The following CCDC93 variants were observed in gnomAD, a reference collection of about 807,000 sequenced individuals.
The protein encoded by CCDC93 is CCC complex scaffolding subunit CCDC93.
A neutral mutation model predicts 108.2 loss-of-function variants in CCDC93; 61 were observed. The observed-to-expected ratio is 0.56, with a 90% CI of 0.46 to 0.70. The LOEUF (loss-of-function observed/expected upper bound fraction) is 0.70. Among genes scored for constraint, CCDC93 ranks in the 30% least tolerant of loss-of-function variants. The pLI, the probability that CCDC93 is intolerant of heterozygous loss-of-function variation, is 0.00. For missense variants in CCDC93, 685 were observed against 764.2 expected (o/e 0.90, Z 1.22); for synonymous variants, 276 against 260.4 (o/e 1.06, Z -0.58).
chr2:117,990,588 G>A (rs559675347), intron 6 of CCDC93, among the ~76,000 whole-genome samples: 3 of 147,872 alleles, frequency 2.0e-5, no homozygotes, highest in African/African-American at 5.0e-5. Flanking sequence ...AGAAATAAAA[G>A]AATAAATTTA....
chr2:118,008,703 T>A, intron 1 of CCDC93, 45 bp from the exon 2 acceptor site: 1 of 1,249,736 alleles, frequency 8.0e-7, no homozygotes, highest in Non-Finnish European at 1.2e-6. Flanking sequence ...ATATGCTGAA[T>A]AAAGGAACAC....
intron 11 of CCDC93, among the ~76,000 whole-genome samples, chr2:117,970,064 T>C (rs1679713462): frequency 6.6e-6 from 1 of 152,124 alleles, no homozygotes; most frequent in Non-Finnish European, 1.5e-5. Context: ...TGTTCCTAAT[T>C]GAACAAACTA....
chr2:117,959,792 G>A (rs1245726473), intron 11 of CCDC93, among the ~76,000 whole-genome samples: 1 of 152,162 alleles, frequency 6.6e-6, no homozygotes, highest in Admixed American at 6.5e-5. Flanking sequence ...CTGGGACTGT[G>A]TAAAATGTCA....
At chr2:117,964,893 G>T (rs1387876300) in intron 11 of CCDC93, among the ~76,000 whole-genome samples, 1 of 152,180 alleles carries the variant, frequency 6.6e-6, no homozygotes, top group Non-Finnish European at 1.5e-5. Context: ...GTGAGCCTCT[G>T]TGCCTGGCCC....
intron 8 of CCDC93, 75 bp from the exon 9 acceptor site, chr2:117,975,355 G>C: frequency 9.3e-7 from 1 of 1,073,192 alleles, no homozygotes; most frequent in African/African-American, 1.6e-5. Flanking sequence ...ACTGACAAGA[G>C]GCATGAGTCT....
At chr2:117,966,113 G>A (rs561308561) in intron 11 of CCDC93, among the ~76,000 whole-genome samples, 4 of 152,300 alleles carry the variant, frequency 2.6e-5, no homozygotes, top group Admixed American at 2.0e-4. Context: ...TAGTGGAAAC[G>A]AAGGCCTTAT....
chr2:117,978,552 T>C (rs753947071), intron 7 of CCDC93, among the ~76,000 whole-genome samples: 6 of 152,238 alleles, frequency 3.9e-5, no homozygotes, highest in Non-Finnish European at 8.8e-5. Context: ...TCAAGTAGTT[T>C]ATTTTCTGGC....
intron 21 of CCDC93, 126 bp from the exon 22 acceptor site, chr2:117,935,705 C>G (rs531780697): frequency 1.7e-6 from 1 of 582,406 alleles, no homozygotes; most frequent in Non-Finnish European, 2.9e-6. Flanking sequence ...TTGTAACGCA[C>G]AGTGGAGCCA....
At position 117,918,601 on chromosome 2, in the gene CCDC93, A is replaced by C. The variant is rs765678166; in HGVS notation, c.*1742T>G. On this transcript the variant is annotated 3_prime_UTR_variant, in exon 24 of 24. Coordinates refer to ENST00000376300, the MANE Select transcript of CCDC93 (RefSeq NM_019044.5). ...GGGGTGGGCCTACAAGCTGCTTAAC[A>C]AGACAACGCAGATGTTTCCCTGACT... 6.6e-6 allele frequency: 1 copy of C among 152,226 alleles called. No individual in the cohort carries two copies. Among genetic ancestry groups the C allele is most frequent in the Non-Finnish European group, 1.5e-5 (1 of 68,040 alleles). 9.4% of individuals were successfully genotyped at this position (152,226 alleles called of 1,614,324 possible).
At chr2:117,935,246 C>G (rs778477211) in intron 22 of CCDC93, among the ~76,000 whole-genome samples, 3 of 152,192 alleles carry the variant, frequency 2.0e-5, no homozygotes, top group Non-Finnish European at 4.4e-5. Flanking sequence ...ATGCTTGGTA[C>G]ACAATAGGTG....
In CCDC93 at chr2:117,935,508, T is replaced by A; in HGVS notation, c.1715A>T (p.Gln572Leu). 1.2e-6 allele frequency: 2 copies of A among 1,613,178 alleles called. No individual in the cohort carries two copies. The highest frequency in any genetic ancestry group is 8.5e-7 in the Non-Finnish European group (1 of 1,179,256). Residue 572 changes from glutamine (Q) to leucine (L), a missense_variant, in exon 22 of 24, where the codon CAA (glutamine) becomes CTA (leucine). By Grantham distance (113) the Gln-to-Leu change is moderately radical (BLOSUM62 -2). Coordinates refer to ENST00000376300, the MANE Select transcript of CCDC93 (RefSeq NM_019044.5). ...QMEQIVEGIK[Q>L]SRMKMEKKKQ... Reference sequence around the variant, plus strand: ...AAGCCATCTGACCTTCATTCTACTTTGCTTAATTCCTTCCACAATCTGTTC... The same window carrying A: ...AAGCCATCTGACCTTCATTCTACTTAGCTTAATTCCTTCCACAATCTGTTC...
intron 3 of CCDC93, among the ~76,000 whole-genome samples, chr2:118,003,621 C>T (rs930616222): frequency 1.3e-5 from 2 of 152,200 alleles, no homozygotes; most frequent in Non-Finnish European, 2.9e-5. Flanking sequence ...ACACCACCAT[C>T]CAGCCTAACC....
At chr2:117,938,555 GAAAAA>G (rs36126432) in intron 20 of CCDC93, among the ~76,000 whole-genome samples, 1 of 138,224 alleles carries the variant, frequency 7.2e-6, no homozygotes, top group Non-Finnish European at 1.5e-5. Flanking sequence ...AAAAAGACAA[GAAAAA>G]AAAAAAAAAA....
chr2:117,939,692 G>C (rs905600668), intron 19 of CCDC93, among the ~76,000 whole-genome samples: 3 of 152,318 alleles, frequency 2.0e-5, no homozygotes, highest in African/African-American at 7.2e-5. Context: ...AGGACTGGAT[G>C]AAATCCCAGC....
At chr2:117,925,094 CCTGCCCTAAAAGAG>C (rs1678031372) in intron 23 of CCDC93, among the ~76,000 whole-genome samples, 1 of 152,136 alleles carries the variant, frequency 6.6e-6, no homozygotes, top group Admixed American at 6.5e-5. Flanking sequence ...CACCACCAGG[CCTGCCCTAAAAGAG>C]CTCCTGAAGG....
intron 11 of CCDC93, among the ~76,000 whole-genome samples, chr2:117,958,870 T>C (rs1679302425): frequency 6.6e-6 from 1 of 152,226 alleles, no homozygotes; most frequent in South Asian, 2.1e-4. Flanking sequence ...GATCGAAGTA[T>C]TATAAGCAAA....
intron 3 of CCDC93, among the ~76,000 whole-genome samples, chr2:118,004,018 C>A (rs1676792115): frequency 6.6e-6 from 1 of 152,172 alleles, no homozygotes. Context: ...TAGTTTGACT[C>A]CTTTAGTTTT....
At chr2:117,976,109 T>G (rs1679934797) in intron 8 of CCDC93, among the ~76,000 whole-genome samples, 2 of 152,148 alleles carry the variant, frequency 1.3e-5, no homozygotes, top group African/African-American at 4.8e-5. Flanking sequence ...ATCCCAACTC[T>G]AGGATGCTTT....
intron 1 of CCDC93, among the ~76,000 whole-genome samples, chr2:118,012,211 T>C (rs1244560014): frequency 6.6e-6 from 1 of 151,680 alleles, no homozygotes; most frequent in African/African-American, 2.4e-5. Flanking sequence ...GAGGCAGAGG[T>C]TGCAATGAAC....
Sources: allele counts gnomAD v4.1 joint callset (sites outside exome capture counted in the v4.1 genomes callset), GRCh38; gene constraint gnomAD v4.1.1; transcripts MANE v1.5; gene names NCBI Gene and HGNC (gene_info 2026-07-23, HGNC 2026-07-21).